Variants in ACOX3 observed in about 807,000 individuals in gnomAD.
The protein encoded by ACOX3 is acyl-CoA oxidase 3, pristanoyl.
In ACOX3, 73 loss-of-function variants were observed where a neutral mutation model predicts 81.5. The observed-to-expected ratio is 0.90, with a 90% CI of 0.74 to 1.09. ACOX3 has a LOEUF of 1.09. Ranked by LOEUF, ACOX3 falls within the 50% of genes least tolerant of loss-of-function variation. The pLI is 0.00. For missense variants in ACOX3, 947 were observed against 928.0 expected (o/e 1.02, Z -0.27); for synonymous variants, 387 against 375.1 (o/e 1.03, Z -0.37).
chr4:8,366,915 A>G lies in ACOX3; in HGVS notation c.*46T>C. The G allele has an allele frequency of 6.2e-7, 1 of 1,608,016 alleles. No individual in the cohort carries two copies. The highest frequency in any genetic ancestry group is 8.5e-7 in the Non-Finnish European group (1 of 1,175,900). On this transcript the variant is annotated 3_prime_UTR_variant, in exon 18 of 18. Coordinates refer to ENST00000356406, the MANE Select transcript of ACOX3 (RefSeq NM_003501.3). ...CAGAAGTTGAGGTCCACGTCTGATT[A>G]GTTCCCTTCGTTTCATTAGACTTGG... is the stretch of plus-strand genomic sequence containing the variant.
At position 8,431,797 on chromosome 4, in the gene ACOX3, C is replaced by T. The variant is rs1168575536; in HGVS notation, c.-15+8851G>A. On this transcript the variant is annotated intron_variant, in intron 1 of 17. Coordinates refer to ENST00000356406, the MANE Select transcript of ACOX3 (RefSeq NM_003501.3). This position sits in a 1 kb window ranked among gnomAD's most constrained non-coding sequence, Gnocchi z 5.3. ...TTGACTTCTGTCCCACTTCTGCTCC[C>T]TTCGGCACACCGATTCCCTGCTCAG... Among the ~76,000 whole-genome samples, 1 of 152,246 alleles carries T rather than the reference C, an allele frequency of 6.6e-6. No individual in the cohort carries two copies. Among genetic ancestry groups the T allele is most frequent in the Non-Finnish European group, 1.5e-5 (1 of 68,042 alleles).
intron 13 of ACOX3, among the ~76,000 whole-genome samples, chr4:8,387,524 T>G (rs1718458598): frequency 6.6e-6 from 1 of 152,196 alleles, no homozygotes; most frequent in Non-Finnish European, 1.5e-5. Context: ...AGTGAAGACA[T>G]TCACTAAATA....
In ACOX3 at chr4:8,381,685, G is replaced by A. The variant is rs1717670408; in HGVS notation, c.1538-78C>T. 1 of 1,079,494 alleles carries A rather than the reference G, an allele frequency of 9.3e-7. No homozygotes were observed. Among genetic ancestry groups the A allele is most frequent in the African/African-American group, 1.6e-5 (1 of 63,982 alleles). The allele number at this position is 1,079,494 out of a possible 1,614,324, so 66.9% of individuals were successfully genotyped here. A position where few individuals can be genotyped will look rare whatever the true frequency, so the allele number is the denominator to read the frequency against. On this transcript the variant is annotated intron_variant, in intron 13 of 17. Coordinates refer to ENST00000356406, the MANE Select transcript of ACOX3 (RefSeq NM_003501.3). The surrounding 1 kb of genome is among the most constrained non-coding windows in gnomAD (Gnocchi z 4.3). ...TGTCACAACTCACCCCCAGGGACAA[G>A]GCACTGCCAGCATCCTGCAGGTACC...
At chr4:8,391,569 T>C (rs1578903039) in intron 11 of ACOX3, among the ~76,000 whole-genome samples, 1 of 152,252 alleles carries the variant, frequency 6.6e-6, no homozygotes, top group East Asian at 1.9e-4. Flanking sequence ...ATGCTGATGA[T>C]AATTCTAATA....
In ACOX3 at chr4:8,385,445, C is replaced by T. The variant is rs1395597768; in HGVS notation, c.1537+3728G>A. Among the ~76,000 whole-genome samples, 1 of 152,236 alleles carries T rather than the reference C, an allele frequency of 6.6e-6. No homozygotes were observed. Among genetic ancestry groups the T allele is most frequent in the Admixed American group, 6.5e-5 (1 of 15,290 alleles). On this transcript the variant is annotated intron_variant, in intron 13 of 17. Transcript: ENST00000356406. The surrounding 1 kb of genome is among the most constrained non-coding windows in gnomAD (Gnocchi z 5.5). ...CTCTGGCCCACATCCCATGACCTTG[C>T]AGTCCACAAATACACACGTGTCCGA...
chr4:8,374,801 G>T, intron 15 of ACOX3, 177 bp downstream of exon 15: 2 of 663,000 alleles, frequency 3.0e-6, no homozygotes, highest in Non-Finnish European at 2.3e-6. Context: ...CCCTGACGCT[G>T]CTCTGCCCCA....
the ACOX3 span, chr4:8,358,261 G>A: frequency 6.6e-6 from 1 of 152,138 alleles, no homozygotes; most frequent in Non-Finnish European, 1.5e-5. Flanking sequence ...TGGAGACTCT[G>A]ACACCTTTTA....
At position 8,386,432 on chromosome 4, in the gene ACOX3, T is replaced by A. The variant is rs778032892; in HGVS notation, c.1537+2741A>T. ...ATACAAAAAATTAGCCGGGTGTGGTTGTGGGCTCCTGTAGTCCCAGCTACT... is the reference window on the plus strand; with the variant it reads ...ATACAAAAAATTAGCCGGGTGTGGTAGTGGGCTCCTGTAGTCCCAGCTACT... On this transcript the variant is annotated intron_variant, in intron 13 of 17. Transcript: ENST00000356406. This position sits in a 1 kb window ranked among gnomAD's most constrained non-coding sequence, Gnocchi z 5.2. Among the ~76,000 whole-genome samples, 4 of 151,568 alleles carry A rather than the reference T, an allele frequency of 2.6e-5. No homozygotes were observed. Among genetic ancestry groups the A allele is most frequent in the Non-Finnish European group, 5.9e-5 (4 of 67,906 alleles).
At chr4:8,415,181 C>T (rs1372554808) in intron 3 of ACOX3, among the ~76,000 whole-genome samples, 2 of 152,152 alleles carry the variant, frequency 1.3e-5, no homozygotes, top group Non-Finnish European at 2.9e-5. Context: ...ATCTCTGTGC[C>T]GAGCACCTTG....
Position 8,400,857 on chromosome 4 carries a change from G to A in ACOX3, c.777-1205C>T, listed in dbSNP as rs544769485. ...TGGGAGTGGTTTCGGGATGATTCAA[G>A]CACATTATATTTATTGTGCACTTTA... On this transcript the variant is annotated intron_variant, in intron 7 of 17. Transcript: ENST00000356406. This position sits in a 1 kb window ranked among gnomAD's most constrained non-coding sequence, Gnocchi z 4.4. Among the ~76,000 whole-genome samples the A allele has an allele frequency of 6.6e-6, 1 of 152,070 alleles. No homozygotes were observed. Among genetic ancestry groups the A allele is most frequent in the Non-Finnish European group, 1.5e-5 (1 of 68,026 alleles).
chr4:8,405,967 C>T lies in ACOX3; in HGVS notation c.764G>A (p.Gly255Asp), dbSNP rs1283964968. The change falls in exon 7 of 18, where the codon GGT becomes GAT. Residue 255 changes from glycine to aspartate, a missense_variant. Physicochemically the swap from Gly to Asp is moderately conservative, Grantham distance 94 (BLOSUM62 -1). Coordinates refer to ENST00000356406, the MANE Select transcript of ACOX3 (RefSeq NM_003501.3). This position sits in a 1 kb window ranked among gnomAD's most constrained non-coding sequence, Gnocchi z 7.1. ...CTCTGTCACTCACCCATTATCCAGACCGTTCTGCCCGAGTTTTTTTCCTAT... is the reference window on the plus strand; with the variant it reads ...CTCTGTCACTCACCCATTATCCAGATCGTTCTGCCCGAGTTTTTTTCCTAT... ...GDIGKKLGQNGLDNGFAMFHK... is the reference protein window; with the variant it reads ...GDIGKKLGQNDLDNGFAMFHK... The T allele has an allele frequency of 1.2e-6, 2 of 1,614,074 alleles. No individual in the cohort carries two copies. The highest frequency in any genetic ancestry group is 1.1e-5 in the South Asian group (1 of 91,092).
intron 15 of ACOX3, 178 bp from the exon 16 acceptor site, chr4:8,373,806 G>C: frequency 1.6e-6 from 1 of 624,754 alleles, no homozygotes; most frequent in Non-Finnish European, 2.8e-6. Context: ...CTGCTCAGGG[G>C]CCGAGTTCTG....
Position 8,389,878 on chromosome 4 carries a change from G to T in ACOX3, c.1301-144C>A, listed in dbSNP as rs1578898306. 1 of 1,085,128 alleles carries T rather than the reference G, an allele frequency of 9.2e-7. No individual in the cohort carries two copies. Among genetic ancestry groups the T allele is most frequent in the Non-Finnish European group, 1.3e-6 (1 of 762,990 alleles). 67.2% of individuals were successfully genotyped at this position (1,085,128 alleles called of 1,614,324 possible). ...GCAGCACTTTGGGGGGCCGAGGCGG[G>T]TGGATCACTTGAAGCCAGGTGTTCA... On this transcript the variant is annotated intron_variant, in intron 11 of 17. Transcript: ENST00000356406. This position sits in a 1 kb window ranked among gnomAD's most constrained non-coding sequence, Gnocchi z 5.3.
In ACOX3 at chr4:8,432,773, G is replaced by C. The variant is rs540197080; in HGVS notation, c.-15+7875C>G. Among the ~76,000 whole-genome samples the C allele has an allele frequency of 3.5e-4, 53 of 152,334 alleles. No individual in the cohort carries two copies. The highest frequency in any genetic ancestry group is 1.3e-3 in the African/African-American group (53 of 41,588). ...CTTCTCGAGTTCCACCCAGCTTCCA[G>C]CACTTAGACGCTGACAACTCAGAAT... On this transcript the variant is annotated intron_variant, in intron 1 of 17. Coordinates refer to ENST00000356406, the MANE Select transcript of ACOX3 (RefSeq NM_003501.3). This position sits in a 1 kb window ranked among gnomAD's most constrained non-coding sequence, Gnocchi z 6.2.
chr4:8,392,367 G>A lies in ACOX3; in HGVS notation c.1266C>T (p.Cys422=), dbSNP rs28627156. Residue 422 remains cysteine, a synonymous_variant, in exon 11 of 18, where the codon TGC becomes TGT. Coordinates refer to ENST00000356406, the MANE Select transcript of ACOX3 (RefSeq NM_003501.3). ...AGCCGTGTCCTCCACACGCCTCCCG[G>A]CATTCCTGAATTCCTTGCTGGGTGG... The part of the protein sequence containing the change: ...SWTTQQGIQE[C]REACGGHGYL... 120,778 of 1,605,812 alleles carry A rather than the reference G, an allele frequency of 0.075. 6,519 individuals carry two copies. Among genetic ancestry groups the A allele is most frequent in the African/African-American group, 0.28 (20,808 of 74,572 alleles).
In ACOX3 at chr4:8,414,417, A is replaced by G; in HGVS notation, c.454-36T>C. On this transcript the variant is annotated intron_variant, in intron 4 of 17. Coordinates refer to ENST00000356406, the MANE Select transcript of ACOX3 (RefSeq NM_003501.3). The surrounding 1 kb of genome is among the most constrained non-coding windows in gnomAD (Gnocchi z 6.1). ...AAGCACAAAATGATGGAAAGCAAGA[A>G]AAGTTCTTTGTGCACATTCCCAGAA... The G allele has an allele frequency of 1.3e-6, 2 of 1,585,228 alleles. No individual in the cohort carries two copies. The highest frequency in any genetic ancestry group is 1.7e-6 in the Non-Finnish European group (2 of 1,153,700).
intron 11 of ACOX3, among the ~76,000 whole-genome samples, chr4:8,390,201 G>A (rs1030692807): frequency 3.3e-5 from 5 of 152,050 alleles, no homozygotes; most frequent in African/African-American, 1.2e-4. Context: ...AATTAGCTGG[G>A]CATAGTGGCA....
At chr4:8,438,704 AT>A (rs1355273477) in intron 1 of ACOX3, 2 of 152,152 alleles carry the variant, frequency 1.3e-5, no homozygotes, top group Admixed American at 6.5e-5. Flanking sequence ...GTAAAATCTA[AT>A]TTTTCTAGGA....
rs201425518 is a variant in ACOX3 at position 8,389,265 on chromosome 4, G to A, written c.1445C>T (p.Pro482Leu). ...QVHDGACFRS[P>L]LKSVDFLDAY... is the part of the protein sequence containing the mutation. The stretch of plus-strand genomic sequence containing the variant: ...GTCCAGAAAGTCCACTGACTTCAGC[G>A]GACTGCGGAAGCAAGCTCCATCTAG... The change falls in exon 13 of 18, where the codon CCG becomes CTG. Residue 482 changes from proline (P) to leucine (L), a missense_variant. By Grantham distance (98) the Pro-to-Leu change is moderately conservative (BLOSUM62 -3). Coordinates refer to ENST00000356406, the MANE Select transcript of ACOX3 (RefSeq NM_003501.3). The surrounding 1 kb of genome is among the most constrained non-coding windows in gnomAD (Gnocchi z 5.3). 64 of 1,613,322 alleles carry A rather than the reference G, an allele frequency of 4.0e-5. No homozygotes were observed. The Admixed American group carries it at 4.0e-4, about 10-fold the overall frequency.
Sources: gnomAD v4.1 joint callset for allele counts (sites outside exome capture counted in the v4.1 genomes callset) on GRCh38, gnomAD v4.1.1 for gene constraint, Gnocchi (gnomAD v3.1) non-coding constraint, MANE v1.5 for transcripts, NCBI Gene and HGNC (gene_info 2026-07-23, HGNC 2026-07-21) for gene names.